The following KIF5C variants were observed in gnomAD, a reference collection of about 807,000 sequenced individuals.
KIF5C encodes kinesin family member 5C.
Under a neutral mutation model 125.2 loss-of-function variants are expected in KIF5C, and 18 were observed. The observed-to-expected ratio is 0.14, with a 90% CI of 0.10 to 0.21. The LOEUF (loss-of-function observed/expected upper bound fraction) is 0.21. Ranked by LOEUF, KIF5C falls within the 10% of genes least tolerant of loss-of-function variation. The pLI is 1.00. For missense variants in KIF5C, 780 were observed against 1,183.8 expected, an observed-to-expected ratio of 0.66 and a Z score of 5.01; for synonymous variants, 405 against 434.0, an observed-to-expected ratio of 0.93 and a Z score of 0.83.
chr2:149,002,166 G>C (rs941105123), intron 21 of KIF5C, among the ~76,000 whole-genome samples: 5 of 152,212 alleles, frequency 3.3e-5, no homozygotes, highest in African/African-American at 1.2e-4. Flanking sequence ...TAGAAATTCA[G>C]AAAAATATTG....
intron 22 of KIF5C, among the ~76,000 whole-genome samples, chr2:149,006,212 C>CGT (rs960757257): frequency 1.3e-5 from 2 of 151,712 alleles, no homozygotes; most frequent in Admixed American, 6.6e-5. Flanking sequence ...AGTGTGTGTA[C>CGT]GTGTGTGTGT....
Position 149,024,820 on chromosome 2 carries a change from T to C in KIF5C, c.*1750T>C, listed in dbSNP as rs1028879561. 1 of 152,624 alleles carries C rather than the reference T, an allele frequency of 6.6e-6. No homozygotes were observed. The highest frequency in any genetic ancestry group is 1.5e-5 in the Non-Finnish European group (1 of 68,040). 9.5% of individuals were successfully genotyped at this position (152,624 alleles called of 1,614,324 possible). ...TTTTGTTATCAGTGCCAGCCCAATA[T>C]ACCTGCTCTACCATTATTTGCGGTC... On this transcript the variant is annotated 3_prime_UTR_variant, in exon 26 of 26. Coordinates refer to ENST00000435030, the MANE Select transcript of KIF5C (RefSeq NM_004522.3).
At chr2:149,015,811 A>G (rs1682341985) in intron 25 of KIF5C, among the ~76,000 whole-genome samples, 1 of 152,210 alleles carries the variant, frequency 6.6e-6, no homozygotes, top group African/African-American at 2.4e-5. Context: ...GCTAAGTGGG[A>G]TCAGGCATTG....
intron 1 of KIF5C, among the ~76,000 whole-genome samples, chr2:148,900,627 T>A (rs2105055945): frequency 6.6e-6 from 1 of 152,300 alleles, no homozygotes; most frequent in South Asian, 2.1e-4. Flanking sequence ...ATTCAGTCAT[T>A]CCCATAGCAA....
chr2:148,991,323 T>C, intron 16 of KIF5C, 125 bp downstream of exon 16: 1 of 1,423,530 alleles, frequency 7.0e-7, no homozygotes, highest in Admixed American at 2.9e-5. Flanking sequence ...AAGCTTGGCC[T>C]CCCCAGGTGA....
chr2:148,936,300 A>T (rs1294275423), intron 3 of KIF5C, among the ~76,000 whole-genome samples: 2 of 152,182 alleles, frequency 1.3e-5, no homozygotes, highest in African/African-American at 2.4e-5. Flanking sequence ...AAAAACAAAC[A>T]AACAAAAAAT....
intron 1 of KIF5C, among the ~76,000 whole-genome samples, chr2:148,888,082 C>T (rs1249836176): frequency 1.3e-5 from 2 of 152,194 alleles, no homozygotes; most frequent in Non-Finnish European, 2.9e-5. Context: ...ACATTGAGAA[C>T]CCCCAGAGGC....
At chr2:148,925,790 G>A (rs1427812050) in intron 2 of KIF5C, among the ~76,000 whole-genome samples, 1 of 152,248 alleles carries the variant, frequency 6.6e-6, no homozygotes, top group Admixed American at 6.5e-5. Context: ...GTAGAGAAGA[G>A]GGGACAGGGA....
chr2:148,898,828 T>G, intron 1 of KIF5C, among the ~76,000 whole-genome samples: 1 of 152,228 alleles, frequency 6.6e-6, no homozygotes, highest in Admixed American at 6.5e-5. Context: ...GTTAATTTTT[T>G]ATAGCAGCGA....
chr2:148,895,504 CT>C (rs11308529), intron 1 of KIF5C, among the ~76,000 whole-genome samples: 28,773 of 148,786 alleles, frequency 0.19, 4,769 homozygotes, highest in African/African-American at 0.46. Context: ...AGATTGTTTA[CT>C]TTTTTTTTTA....
chr2:148,898,427 T>C (rs1680750150), intron 1 of KIF5C, among the ~76,000 whole-genome samples: 1 of 152,184 alleles, frequency 6.6e-6, no homozygotes, highest in African/African-American at 2.4e-5. Flanking sequence ...AGAACCCGAA[T>C]ATGTTATGTT....
intron 25 of KIF5C, among the ~76,000 whole-genome samples, chr2:149,014,149 C>T (rs1332343706): frequency 5.9e-5 from 9 of 152,214 alleles, no homozygotes; most frequent in East Asian, 5.8e-4. Context: ...CTCAGCCTCC[C>T]GAGTAGCTGG....
At chr2:148,948,051 A>C in intron 8 of KIF5C, 2 of 456,234 alleles carry the variant, frequency 4.4e-6, no homozygotes, top group South Asian at 3.1e-5. Flanking sequence ...GGAATCTAAA[A>C]TTTTACTAGT....
chr2:148,966,453 G>T (rs1222524472), intron 11 of KIF5C, among the ~76,000 whole-genome samples: 1 of 151,972 alleles, frequency 6.6e-6, no homozygotes. Context: ...TACAGATCAG[G>T]TGCAGGCAGA....
In KIF5C at chr2:148,949,821, T is replaced by G. The variant is rs1682616218; in HGVS notation, c.715-18T>G. 1 of 1,612,962 alleles carries G rather than the reference T, an allele frequency of 6.2e-7. No homozygotes were observed. The highest frequency in any genetic ancestry group is 8.5e-7 in the Non-Finnish European group (1 of 1,179,440). On this transcript the variant is annotated intron_variant, in intron 8 of 25. Coordinates refer to ENST00000435030, the MANE Select transcript of KIF5C (RefSeq NM_004522.3). Reference sequence around the variant, plus strand: ...CTGCCGTCCTGTGCTGCTCACTGCTTTCTTTTCTCTCTGGTAGGTCAGCAA... The same window carrying G: ...CTGCCGTCCTGTGCTGCTCACTGCTGTCTTTTCTCTCTGGTAGGTCAGCAA...
chr2:148,894,115 C>A (rs919978619), intron 1 of KIF5C, among the ~76,000 whole-genome samples: 7 of 152,190 alleles, frequency 4.6e-5, no homozygotes, highest in Admixed American at 2.6e-4. Context: ...AAGGGTGGGG[C>A]AAAGTGGTTT....
intron 25 of KIF5C, among the ~76,000 whole-genome samples, chr2:149,019,188 A>C (rs1450024958): frequency 1.3e-5 from 2 of 152,180 alleles, no homozygotes; most frequent in African/African-American, 4.8e-5. Context: ...ACACCAGACA[A>C]GATTCTTGGC....
At chr2:148,892,540 T>A (rs1380865656) in intron 1 of KIF5C, among the ~76,000 whole-genome samples, 1 of 152,232 alleles carries the variant, frequency 6.6e-6, no homozygotes, top group African/African-American at 2.4e-5. Context: ...CATCTCAAAT[T>A]ATGTATGAAG....
chr2:149,015,104 C>T (rs1682322705), intron 25 of KIF5C, among the ~76,000 whole-genome samples: 1 of 152,138 alleles, frequency 6.6e-6, no homozygotes, highest in Admixed American at 6.5e-5. Context: ...TGGAGAATTG[C>T]TTGAACCCAG....
Sources: gnomAD v4.1 joint callset for allele counts (sites outside exome capture counted in the v4.1 genomes callset) on GRCh38, gnomAD v4.1.1 for gene constraint, MANE v1.5 for transcripts, NCBI Gene and HGNC (gene_info 2026-07-23, HGNC 2026-07-21) for gene names.